The following FAF2 variants were observed in gnomAD, a reference collection of about 807,000 sequenced individuals.
FAF2 encodes FAS-associated factor 2.
A neutral mutation model predicts 62.3 loss-of-function variants in FAF2; 9 were observed. That is an observed-to-expected ratio of 0.14 (90% CI 0.09 to 0.25). FAF2 has a LOEUF of 0.25. Ranked by LOEUF, FAF2 falls within the 10% of genes least tolerant of loss-of-function variation. The pLI is 1.00. For missense variants in FAF2, 368 were observed against 556.2 expected (o/e 0.66, Z 3.40); for synonymous variants, 202 against 198.0 (o/e 1.02, Z -0.17).
In FAF2 at chr5:176,498,924, A is replaced by C; in HGVS notation, c.850A>C (p.Asn284His). The stretch of plus-strand genomic sequence containing the variant: ...TTGATCTATTCACAGGGAAGAAAGA[A>C]ACCAGACCCAAGTGCTGAGACAACA... ...VSERLEREER[N>H]QTQVLRQQQD... Residue 284 changes from asparagine to histidine, a missense_variant, in exon 9 of 11, where the codon AAC (asparagine) becomes CAC (histidine). Physicochemically the swap from Asn to His is moderately conservative, Grantham distance 68. Transcript: ENST00000261942. The C allele has an allele frequency of 6.3e-7, 1 of 1,596,422 alleles. No homozygotes were observed. Among genetic ancestry groups the C allele is most frequent in the Non-Finnish European group, 8.5e-7 (1 of 1,171,688 alleles).
At chr5:176,457,091 T>G (rs1758289298) in intron 1 of FAF2, among the ~76,000 whole-genome samples, 1 of 152,182 alleles carries the variant, frequency 6.6e-6, no homozygotes, top group African/African-American at 2.4e-5. Context: ...CCTTGCAAAG[T>G]AGTATACATT....
At chr5:176,498,756 G>A (rs1005313701) in intron 8 of FAF2, among the ~76,000 whole-genome samples, 158 bp from the exon 9 acceptor site, 4 of 152,070 alleles carry the variant, frequency 2.6e-5, no homozygotes, top group African/African-American at 7.2e-5. Flanking sequence ...ATTCTGCCAC[G>A]CTCTGCTTTT....
intron 1 of FAF2, 127 bp downstream of exon 1, chr5:176,448,597 C>G (rs569347068): frequency 1.7e-5 from 16 of 930,638 alleles, no homozygotes; most frequent in African/African-American, 6.7e-5. Context: ...CCCCTCCCCC[C>G]CAGACTCCAA....
At chr5:176,490,513 A>G (rs1162958717) in intron 4 of FAF2, among the ~76,000 whole-genome samples, 1 of 120,748 alleles carries the variant, frequency 8.3e-6, no homozygotes, top group Non-Finnish European at 1.8e-5. Context: ...CCCTTCAAAT[A>G]TGGGACAGCC....
At chr5:176,465,815 C>G (rs536498923) in intron 1 of FAF2, among the ~76,000 whole-genome samples, 1 of 152,230 alleles carries the variant, frequency 6.6e-6, no homozygotes, top group Non-Finnish European at 1.5e-5. Flanking sequence ...CGAGATCGTG[C>G]CACTGCACTC....
chr5:176,451,873 CACAT>C (rs1561813602), intron 1 of FAF2, among the ~76,000 whole-genome samples: 17 of 26,402 alleles, frequency 6.4e-4, no homozygotes, highest in Admixed American at 1.3e-3. Flanking sequence ...TATATATACA[CACAT>C]ATATATATAT....
At chr5:176,454,645 A>G (rs1758249566) in intron 1 of FAF2, among the ~76,000 whole-genome samples, 1 of 151,008 alleles carries the variant, frequency 6.6e-6, no homozygotes, top group South Asian at 2.1e-4. Flanking sequence ...AGTTAGCAAC[A>G]TACAATTGTA....
At chr5:176,457,277 C>T (rs1581467789) in intron 1 of FAF2, among the ~76,000 whole-genome samples, 1 of 152,290 alleles carries the variant, frequency 6.6e-6, no homozygotes, top group Non-Finnish European at 1.5e-5. Context: ...CAACCTTTGT[C>T]TCCCAGGTTC....
chr5:176,499,892 C>T, intron 9 of FAF2, 111 bp from the exon 10 acceptor site: 1 of 1,314,576 alleles, frequency 7.6e-7, no homozygotes, highest in Non-Finnish European at 1.0e-6. Flanking sequence ...AGAGGTTTTT[C>T]TTAGAATACT....
intron 1 of FAF2, among the ~76,000 whole-genome samples, chr5:176,472,091 G>T (rs569102854): frequency 6.6e-6 from 1 of 152,142 alleles, no homozygotes; most frequent in South Asian, 2.1e-4. Context: ...GTTTGGATTG[G>T]AGGGTCCAGA....
chr5:176,472,222 C>G (rs1758583233), intron 1 of FAF2, among the ~76,000 whole-genome samples: 1 of 152,040 alleles, frequency 6.6e-6, no homozygotes, highest in Non-Finnish European at 1.5e-5. Context: ...TCTCAGCTCA[C>G]TGCAACCTCC....
intron 5 of FAF2, 79 bp downstream of exon 5, chr5:176,492,411 C>A: frequency 7.0e-7 from 1 of 1,432,030 alleles, no homozygotes; most frequent in South Asian, 1.5e-5. Flanking sequence ...CAGCACTGAT[C>A]ATGTCCTTCT....
At chr5:176,475,180 G>C (rs1372786798) in intron 1 of FAF2, among the ~76,000 whole-genome samples, 1 of 152,146 alleles carries the variant, frequency 6.6e-6, no homozygotes, top group Non-Finnish European at 1.5e-5. Context: ...TGTTGCCCAA[G>C]TTGGAGTGCA....
intron 1 of FAF2, among the ~76,000 whole-genome samples, chr5:176,467,215 T>G (rs1390264189): frequency 7.0e-6 from 1 of 143,672 alleles, no homozygotes; most frequent in Non-Finnish European, 1.5e-5. Flanking sequence ...CATTAGACAC[T>G]CGGCCCTGAA....
intron 1 of FAF2, among the ~76,000 whole-genome samples, chr5:176,463,124 G>T (rs1176450113): frequency 1.3e-5 from 2 of 152,114 alleles, no homozygotes; most frequent in Admixed American, 1.3e-4. Flanking sequence ...CAGGCCTGGT[G>T]GCTCATGCCT....
Position 176,486,299 on chromosome 5 carries a change from G to A in FAF2, c.133-56G>A. On this transcript the variant is annotated intron_variant, in intron 2 of 10. Coordinates refer to ENST00000261942, the MANE Select transcript of FAF2 (RefSeq NM_014613.3). ...CCACGCAATAGTTGCCTCACCTCTT[G>A]TTGTTGGTTGATTTGAGCATCGCTG... 3.7e-6 allele frequency: 6 copies of A among 1,605,150 alleles called. No homozygotes were observed. The Middle Eastern group carries it at 6.6e-4, about 178-fold the overall frequency.
At chr5:176,461,466 C>T (rs1397027259) in intron 1 of FAF2, among the ~76,000 whole-genome samples, 1 of 151,540 alleles carries the variant, frequency 6.6e-6, no homozygotes, top group African/African-American at 2.4e-5. Context: ...TACAGGTGTA[C>T]ACCACCACAC....
chr5:176,490,414 A>G (rs1406165016), intron 4 of FAF2, among the ~76,000 whole-genome samples: 3 of 151,870 alleles, frequency 2.0e-5, no homozygotes, highest in African/African-American at 7.3e-5. Flanking sequence ...CTTTATGGGG[A>G]ACTTAAATGT....
intron 7 of FAF2, among the ~76,000 whole-genome samples, chr5:176,495,343 G>A (rs906395612): frequency 3.9e-5 from 6 of 152,032 alleles, no homozygotes; most frequent in Non-Finnish European, 7.4e-5. Flanking sequence ...TCCTGCATGC[G>A]TTTTGCCATT....
Sources: gnomAD v4.1 joint callset for allele counts (sites outside exome capture counted in the v4.1 genomes callset) on GRCh38, gnomAD v4.1.1 for gene constraint, MANE v1.5 for transcripts, NCBI Gene and HGNC (gene_info 2026-07-23, HGNC 2026-07-21) for gene names.